The following PCDHGA7 variants were observed in gnomAD, a reference collection of about 807,000 sequenced individuals.
PCDHGA7 encodes the protein protocadherin gamma subfamily A, 7.
Under a neutral mutation model 58.3 loss-of-function variants are expected in PCDHGA7, and 44 were observed. That is an observed-to-expected ratio of 0.75 (90% CI 0.59 to 0.97). The LOEUF (loss-of-function observed/expected upper bound fraction) is 0.97. PCDHGA7 is among the 50% of genes least tolerant of loss of function. The probability of loss-of-function intolerance (pLI) is 0.00; values close to 1 mark genes in which losing one functional copy is unlikely to be tolerated. For missense variants in PCDHGA7, 1,266 were observed against 1,188.7 expected, an observed-to-expected ratio of 1.06 and a Z score of -0.96; for synonymous variants, 516 against 504.2, an observed-to-expected ratio of 1.02 and a Z score of -0.31.
intron 1 of PCDHGA7, chr5:141,427,497 G>C (rs775492626): frequency 1.6e-5 from 9 of 568,020 alleles, no homozygotes; most frequent in African/African-American, 3.7e-5. Flanking sequence ...GCTTGTAACA[G>C]ATGGGACCCT....
rs766795269 is a variant in PCDHGA7, at chr5:141,394,804, T to C, written c.2424+9481T>C. Reference sequence around the variant, plus strand: ...GCCACTGTCACGCTCACCGTAGCCGTGGCTGACAGCATCCCCGAAGTCCTG... The same window carrying C: ...GCCACTGTCACGCTCACCGTAGCCGCGGCTGACAGCATCCCCGAAGTCCTG... On this transcript the variant is annotated intron_variant, in intron 1 of 3. Coordinates refer to ENST00000518325, the MANE Select transcript of PCDHGA7 (RefSeq NM_018920.4). 8 of 1,613,850 alleles carry C rather than the reference T, an allele frequency of 5.0e-6. No individual in the cohort carries two copies. In the South Asian group the frequency reaches 6.6e-5, roughly 13 times the overall value.
intron 1 of PCDHGA7, chr5:141,414,637 A>G: frequency 5.6e-6 from 9 of 1,613,894 alleles, no homozygotes; most frequent in Non-Finnish European, 6.8e-6. Context: ...CAGCAAAGAG[A>G]ATGCCCAGAT....
chr5:141,388,355 C>T (rs1204433407), intron 1 of PCDHGA7: 6 of 1,613,954 alleles, frequency 3.7e-6, no homozygotes, highest in Non-Finnish European at 5.1e-6. Flanking sequence ...TAGGATCTGC[C>T]CATGATGCGG....
chr5:141,431,333 C>G lies in PCDHGA7; in HGVS notation c.2424+46010C>G. 1.2e-6 allele frequency: 2 copies of G among 1,614,058 alleles called. No individual in the cohort carries two copies. The highest frequency in any genetic ancestry group is 2.2e-5 in the South Asian group (2 of 91,088). Reference sequence around the variant, plus strand: ...AAATGGAGCCGACGGTAGTAAGTACCCCGAATTGGTGCTGAAACGCGCCCT... The same window carrying G: ...AAATGGAGCCGACGGTAGTAAGTACGCCGAATTGGTGCTGAAACGCGCCCT... On this transcript the variant is annotated intron_variant, in intron 1 of 3. Coordinates refer to ENST00000518325, the MANE Select transcript of PCDHGA7 (RefSeq NM_018920.4). The surrounding 1 kb of genome is among the most constrained non-coding windows in gnomAD (Gnocchi z 4.8).
At chr5:141,394,243 A>G (rs2092952699) in intron 1 of PCDHGA7, 2 of 1,613,844 alleles carry the variant, frequency 1.2e-6, no homozygotes, top group East Asian at 4.5e-5. Context: ...TTGACTGCAC[A>G]CGACCCCGAC....
chr5:141,403,033 G>T (rs764461706), intron 1 of PCDHGA7: 1 of 1,614,056 alleles, frequency 6.2e-7, no homozygotes, highest in Non-Finnish European at 8.5e-7. Flanking sequence ...GGGAGGCCAG[G>T]GCCAGTCAGA....
intron 2 of PCDHGA7, among the ~76,000 whole-genome samples, chr5:141,498,967 G>A (rs896386012): frequency 1.5e-5 from 2 of 129,584 alleles, no homozygotes. Context: ...GAGGGAGGGA[G>A]GGAGGGAAGG....
intron 1 of PCDHGA7, among the ~76,000 whole-genome samples, chr5:141,463,318 C>A (rs2099056713): frequency 6.6e-6 from 1 of 151,878 alleles, no homozygotes; most frequent in East Asian, 1.9e-4. Flanking sequence ...ATATCTATTC[C>A]TCAACTCAGC....
rs1332652972 is a variant in PCDHGA7, at chr5:141,432,381, C to T, written c.2424+47058C>T. On this transcript the variant is annotated intron_variant, in intron 1 of 3. Transcript: ENST00000518325. The surrounding 1 kb of genome is among the most constrained non-coding windows in gnomAD (Gnocchi z 6.0). ...ATGGCGCGGGACAACGGGCACCCGCCCCTCAGCAGCAACGTGTCGTTGAGC... is the reference window on the plus strand; with the variant it reads ...ATGGCGCGGGACAACGGGCACCCGCTCCTCAGCAGCAACGTGTCGTTGAGC... 1 of 1,614,256 alleles carries T rather than the reference C, an allele frequency of 6.2e-7. No homozygotes were observed. The highest frequency in any genetic ancestry group is 1.1e-5 in the South Asian group (1 of 91,082).
Position 141,502,485 on chromosome 5 carries a change from G to A in PCDHGA7, c.2484-2908G>A, listed in dbSNP as rs187600890. ...AATACTTCCCGCAGCATCACACTGG[G>A]ACTCATCTAACGTCGGCCTGTCCCA... On this transcript the variant is annotated intron_variant, in intron 2 of 3. Coordinates refer to ENST00000518325, the MANE Select transcript of PCDHGA7 (RefSeq NM_018920.4). 8.4e-3 allele frequency among the ~76,000 whole-genome samples: 1,276 copies of A among 152,270 alleles called. 22 individuals carry two copies. Among genetic ancestry groups the A allele is most frequent in the African/African-American group, 0.028 (1,151 of 41,542 alleles).
At chr5:141,506,053 T>C (rs1486313858) in intron 3 of PCDHGA7, among the ~76,000 whole-genome samples, 1 of 152,126 alleles carries the variant, frequency 6.6e-6, no homozygotes, top group Non-Finnish European at 1.5e-5. Context: ...TCCCATAAGG[T>C]TGACTAAGGG....
chr5:141,422,011 G>T (rs200879435), intron 1 of PCDHGA7: 2 of 1,610,252 alleles, frequency 1.2e-6, no homozygotes, highest in East Asian at 2.2e-5. Flanking sequence ...CGGAACTCGG[G>T]TGCTGATGGT....
At chr5:141,423,238 G>A (rs765040062) in intron 1 of PCDHGA7, 3 of 1,613,778 alleles carry the variant, frequency 1.9e-6, no homozygotes, top group South Asian at 1.1e-5. Flanking sequence ...CAGCATCCCC[G>A]AAGTCCTGGC....
intron 1 of PCDHGA7, among the ~76,000 whole-genome samples, chr5:141,436,517 G>A (rs1398225419): frequency 1.3e-5 from 2 of 152,130 alleles, no homozygotes; most frequent in African/African-American, 4.8e-5. Flanking sequence ...TGTTAACTGT[G>A]TCACCTTTAG....
In PCDHGA7 at chr5:141,403,683, A is replaced by G. The variant is rs757429628; in HGVS notation, c.2424+18360A>G. 2.5e-6 allele frequency: 4 copies of G among 1,613,804 alleles called. No individual in the cohort carries two copies. The highest frequency in any genetic ancestry group is 1.7e-6 in the Non-Finnish European group (2 of 1,179,888). ...AATGATAATGCCCCGGTTTTTGCTC[A>G]ACGGATTTACCGAGTTAAAGTCCTT... On this transcript the variant is annotated intron_variant, in intron 1 of 3. Transcript: ENST00000518325.
At chr5:141,422,897 A>AT (rs778069795) in intron 1 of PCDHGA7, 4 of 1,614,212 alleles carry the variant, frequency 2.5e-6, no homozygotes, top group Non-Finnish European at 3.4e-6. Flanking sequence ...CTGGACCAGA[A>AT]CGACAATGCG....
At position 141,476,311 on chromosome 5, in the gene PCDHGA7, G is replaced by C. The variant is rs772962568; in HGVS notation, c.2425-18496G>C. ...ATCTCGGTAGCCTCTCAGCCCGCAGGTTCCGGGTGGTGTCTGGAGCTAGCC... is the reference window on the plus strand; with the variant it reads ...ATCTCGGTAGCCTCTCAGCCCGCAGCTTCCGGGTGGTGTCTGGAGCTAGCC... On this transcript the variant is annotated intron_variant, in intron 1 of 3. Transcript: ENST00000518325. The surrounding 1 kb of genome is among the most constrained non-coding windows in gnomAD (Gnocchi z 7.6). 18 of 1,613,680 alleles carry C rather than the reference G, an allele frequency of 1.1e-5. No homozygotes were observed. Among genetic ancestry groups the C allele is most frequent in the African/African-American group, 2.7e-5 (2 of 74,766 alleles).
chr5:141,395,422 G>T, intron 1 of PCDHGA7: 1 of 728,826 alleles, frequency 1.4e-6, no homozygotes, highest in Non-Finnish European at 2.1e-6. Flanking sequence ...TGTTTCATTT[G>T]CTTTTAAACG....
At chr5:141,405,004 G>A in intron 1 of PCDHGA7, 1 of 1,613,960 alleles carries the variant, frequency 6.2e-7, no homozygotes, top group South Asian at 1.1e-5. Flanking sequence ...CTGCAGACCT[G>A]GAGGCCTCAG....
Sources: gnomAD v4.1 joint callset for allele counts (sites outside exome capture counted in the v4.1 genomes callset) on GRCh38, gnomAD v4.1.1 for gene constraint, Gnocchi (gnomAD v3.1) non-coding constraint, MANE v1.5 for transcripts, NCBI Gene and HGNC (gene_info 2026-07-23, HGNC 2026-07-21) for gene names.